Variants in MDGA2 observed in about 807,000 individuals in gnomAD.
MDGA2 encodes the protein MAM domain-containing glycosylphosphatidylinositol anchor protein 2.
Under a neutral mutation model 117.8 loss-of-function variants are expected in MDGA2, and 40 were observed. That is an observed-to-expected ratio of 0.34 (90% confidence interval 0.26 to 0.44). MDGA2 has a LOEUF of 0.44. MDGA2 is among the 20% of genes least tolerant of loss of function. MDGA2 has a pLI of 1.00. For synonymous variants in MDGA2, 452 were observed against 439.0 expected (o/e 1.03, Z -0.37); for missense variants, 1,123 against 1,250.6 (o/e 0.90, Z 1.54).
chr14:46,890,724 G>C (rs1882848278), intron 10 of MDGA2, among the ~76,000 whole-genome samples: 1 of 152,038 alleles, frequency 6.6e-6, no homozygotes, highest in Non-Finnish European at 1.5e-5. Context: ...GAAAGGCCTT[G>C]CAAGTATACT....
intron 1 of MDGA2, among the ~76,000 whole-genome samples, chr14:47,358,553 A>C (rs1320486751): frequency 2.6e-5 from 4 of 152,198 alleles, no homozygotes; most frequent in Non-Finnish European, 5.9e-5. Context: ...ATGATCCTAT[A>C]CGTAGAAAAC....
chr14:47,254,368 C>T (rs1429005173), intron 2 of MDGA2, among the ~76,000 whole-genome samples: 1 of 152,168 alleles, frequency 6.6e-6, no homozygotes, highest in African/African-American at 2.4e-5. Flanking sequence ...CCACCAGATA[C>T]CCTAAATCAT....
chr14:47,395,494 G>A (rs1252301456), intron 1 of MDGA2, among the ~76,000 whole-genome samples: 9 of 151,908 alleles, frequency 5.9e-5, no homozygotes, highest in Non-Finnish European at 8.8e-5. Context: ...AACATTAAAC[G>A]TATTGGAAAG....
intron 1 of MDGA2, among the ~76,000 whole-genome samples, chr14:47,654,081 G>T (rs1227500236): frequency 6.6e-6 from 1 of 152,122 alleles, no homozygotes; most frequent in Non-Finnish European, 1.5e-5. Context: ...TAAGGCCAAA[G>T]ATCTTCCCAT....
chr14:47,630,736 A>G (rs995092274), intron 1 of MDGA2, among the ~76,000 whole-genome samples: 6 of 152,198 alleles, frequency 3.9e-5, no homozygotes, highest in Admixed American at 6.5e-5. Flanking sequence ...TTGCATTCCA[A>G]TGAAGTCAAT....
intron 3 of MDGA2, among the ~76,000 whole-genome samples, chr14:47,206,499 G>C (rs1885689388): frequency 6.6e-6 from 1 of 151,994 alleles, no homozygotes. Flanking sequence ...GCTGGGGTGG[G>C]AAGATTGCTT....
At chr14:46,987,937 T>C (rs1886925484) in intron 8 of MDGA2, among the ~76,000 whole-genome samples, 1 of 137,566 alleles carries the variant, frequency 7.3e-6, no homozygotes, top group African/African-American at 2.7e-5. Flanking sequence ...TGGGGGGGGG[T>C]GCGCGCGTGT....
intron 8 of MDGA2, among the ~76,000 whole-genome samples, chr14:47,013,374 T>C (rs10132515): frequency 0.36 from 54,195 of 151,974 alleles, 10,668 homozygotes; most frequent in East Asian, 0.59. Flanking sequence ...TGAAGTTCTT[T>C]CGTGAGATTG....
intron 1 of MDGA2, among the ~76,000 whole-genome samples, chr14:47,506,736 C>T (rs1416211759): frequency 2.0e-5 from 3 of 152,102 alleles, no homozygotes; most frequent in Admixed American, 6.6e-5. Flanking sequence ...GAATGCAGGC[C>T]GGGCGGGGCA....
At chr14:47,375,834 G>A (rs2138403915) in intron 1 of MDGA2, among the ~76,000 whole-genome samples, 1 of 152,148 alleles carries the variant, frequency 6.6e-6, no homozygotes, top group Admixed American at 6.5e-5. Context: ...TGTAATTTAT[G>A]TGTACAACAT....
chr14:47,657,798 T>G (rs1051641619), intron 1 of MDGA2, among the ~76,000 whole-genome samples: 1 of 152,192 alleles, frequency 6.6e-6, no homozygotes, highest in Non-Finnish European at 1.5e-5. Context: ...TAGAAAACTT[T>G]TGAAGGAGCA....
chr14:46,991,070 G>A, intron 8 of MDGA2, among the ~76,000 whole-genome samples: 1 of 151,958 alleles, frequency 6.6e-6, no homozygotes, highest in Non-Finnish European at 1.5e-5. Context: ...ATAAGTAGTG[G>A]TAATATATTT....
At chr14:47,227,657 T>TA (rs34232817) in intron 2 of MDGA2, among the ~76,000 whole-genome samples, 25,525 of 148,742 alleles carry the variant, frequency 0.17, 2,389 homozygotes, top group South Asian at 0.27. Context: ...CAGTAATGAT[T>TA]AAAAAAAAAA....
intron 6 of MDGA2, among the ~76,000 whole-genome samples, chr14:47,083,441 A>G (rs949667725): frequency 3.3e-5 from 5 of 150,890 alleles, no homozygotes; most frequent in African/African-American, 1.2e-4. Context: ...AGTGAAAGGA[A>G]TAGGGAAAAG....
intron 1 of MDGA2, among the ~76,000 whole-genome samples, chr14:47,330,283 A>T (rs889990334): frequency 3.9e-5 from 6 of 151,938 alleles, no homozygotes; most frequent in African/African-American, 1.4e-4. Flanking sequence ...AAGAATTATT[A>T]TTCCTTTATA....
chr14:47,667,415 A>G (rs921763761), intron 1 of MDGA2, among the ~76,000 whole-genome samples: 7 of 152,200 alleles, frequency 4.6e-5, no homozygotes, highest in Admixed American at 3.3e-4. Flanking sequence ...CAGTGAGAAG[A>G]GTAATCTGGT....
intron 1 of MDGA2, among the ~76,000 whole-genome samples, chr14:47,523,302 G>A (rs958307937): frequency 6.6e-6 from 1 of 152,190 alleles, no homozygotes; most frequent in South Asian, 2.1e-4. Context: ...CACCAAAATA[G>A]TTCTGGATAT....
intron 1 of MDGA2, among the ~76,000 whole-genome samples, chr14:47,362,539 T>G (rs1183192524): frequency 6.6e-6 from 1 of 152,196 alleles, no homozygotes; most frequent in African/African-American, 2.4e-5. Flanking sequence ...CATTTACTTT[T>G]CTTTCTTTTG....
chr14:47,576,827 C>A (rs751387046), intron 1 of MDGA2, among the ~76,000 whole-genome samples: 8 of 152,180 alleles, frequency 5.3e-5, no homozygotes, highest in Non-Finnish European at 8.8e-5. Flanking sequence ...CAGCTCACTG[C>A]AGCCTCGACC....
Sources: allele counts gnomAD v4.1 joint callset (sites outside exome capture counted in the v4.1 genomes callset), GRCh38; gene constraint gnomAD v4.1.1; transcripts MANE v1.5; gene names NCBI Gene and HGNC (gene_info 2026-07-23, HGNC 2026-07-21).